GADD45B: variants seen among roughly 807,000 people sequenced by gnomAD.
GADD45B encodes the protein growth arrest and DNA damage-inducible protein GADD45 beta.
A neutral mutation model predicts 15.2 loss-of-function variants in GADD45B; 8 were observed. That is an observed-to-expected ratio of 0.53 (90% confidence interval 0.31 to 0.95). The LOEUF (loss-of-function observed/expected upper bound fraction) is 0.95, where lower values mean the gene tolerates loss of function less well. Among genes scored for constraint, GADD45B ranks in the 40% least tolerant of loss-of-function variants. The pLI, the probability that GADD45B is intolerant of heterozygous loss-of-function variation, is 0.05. For synonymous variants in GADD45B, 100 were observed against 89.8 expected (o/e 1.11, Z -0.64); for missense variants, 162 against 216.6 (o/e 0.75, Z 1.58).
chr19:2,476,136 A>T lies in GADD45B; in HGVS notation c.-223A>T. On this transcript the variant is annotated 5_prime_UTR_variant, in exon 1 of 4. Transcript: ENST00000215631. ...CGGAGGCTCCCAGCTCAGATCGCCGAAGCGTCGGACTACCGTTGGTTTCCG... is the reference window on the plus strand; with the variant it reads ...CGGAGGCTCCCAGCTCAGATCGCCGTAGCGTCGGACTACCGTTGGTTTCCG... 1.7e-6 allele frequency: 1 copy of T among 600,104 alleles called. No homozygotes were observed. The highest frequency in any genetic ancestry group is 3.0e-6 in the Non-Finnish European group (1 of 336,178). The allele number at this position is 600,104 out of a possible 1,614,324, so 37.2% of individuals were successfully genotyped here.
At position 2,476,607 on chromosome 19, in the gene GADD45B, C is replaced by A; in HGVS notation, c.123C>A (p.Tyr41Ter). 1 of 1,582,496 alleles carries A rather than the reference C, an allele frequency of 6.3e-7. No individual in the cohort carries two copies. The highest frequency in any genetic ancestry group is 1.8e-5 in the Admixed American group (1 of 56,612). The part of the protein sequence containing the change: ...QRQDRLTVGV[Y>*]ESAKLMNVDP... ...AGGATCGCCTCACAGTGGGGGTGTA[C>A]GAGTCGGCCAAGTTGATGAATGTGT... Residue 41 changes from tyrosine (Y) to a stop codon, truncating the protein, a stop_gained, in exon 2 of 4, where the codon TAC (tyrosine) becomes TAA (stop). Coordinates refer to ENST00000215631, the MANE Select transcript of GADD45B (RefSeq NM_015675.4). LOFTEE classifies it high-confidence loss of function.
Position 2,477,378 on chromosome 19 carries a change from C to T in GADD45B, c.370-110C>T, listed in dbSNP as rs766728077. The stretch of plus-strand genomic sequence containing the variant: ...ACGTTTGGCATGTCCCGTGGGCAGC[C>T]GGGCTGGGGCCTCCTCACCCAGGAA... On this transcript the variant is annotated intron_variant, in intron 3 of 3. Transcript: ENST00000215631. This position sits in a 1 kb window ranked among gnomAD's most constrained non-coding sequence, Gnocchi z 4.2. The T allele has an allele frequency of 2.0e-6, 2 of 1,003,532 alleles. No homozygotes were observed. The highest frequency in any genetic ancestry group is 3.0e-6 in the Non-Finnish European group (2 of 676,826). 62.2% of individuals were successfully genotyped at this position (1,003,532 alleles called of 1,614,324 possible).
In GADD45B at chr19:2,477,341, C is replaced by G; in HGVS notation, c.369+90C>G. The G allele has an allele frequency of 9.5e-7, 1 of 1,054,510 alleles. No homozygotes were observed. Among genetic ancestry groups the G allele is most frequent in the East Asian group, 2.6e-5 (1 of 38,610 alleles). 65.3% of individuals were successfully genotyped at this position (1,054,510 alleles called of 1,614,324 possible). Reference sequence around the variant, plus strand: ...TCGGGCTGACTGGTCCTGCACAGCTCAGCGCTCAGCCACGTTTGGCATGTC... The same window carrying G: ...TCGGGCTGACTGGTCCTGCACAGCTGAGCGCTCAGCCACGTTTGGCATGTC... On this transcript the variant is annotated intron_variant, in intron 3 of 3. Transcript: ENST00000215631. This position sits in a 1 kb window ranked among gnomAD's most constrained non-coding sequence, Gnocchi z 4.2.
rs752712882 is a variant in GADD45B at position 2,476,329 on chromosome 19, G to T, written c.-30G>T. 22 of 1,612,218 alleles carry T rather than the reference G, an allele frequency of 1.4e-5. No individual in the cohort carries two copies. The East Asian group carries it at 4.2e-4, about 31-fold the overall frequency. On this transcript the variant is annotated 5_prime_UTR_variant, in exon 1 of 4. Transcript: ENST00000215631. ...ATTTCTCCCTGGGGACTGCCGTGGA[G>T]CCGCATCCACTGTGGATTATAATTG...
At position 2,477,670 on chromosome 19, in the gene GADD45B, C is replaced by T. The variant is rs1972338279; in HGVS notation, c.*69C>T. On this transcript the variant is annotated 3_prime_UTR_variant, in exon 4 of 4. Transcript: ENST00000215631. This position sits in a 1 kb window ranked among gnomAD's most constrained non-coding sequence, Gnocchi z 4.2. Reference sequence around the variant, plus strand: ...AAAAAATACAATAAATATTTGAACCCCCTCCCCCCCAGCACAACCCCCCCA... The same window carrying T: ...AAAAAATACAATAAATATTTGAACCTCCTCCCCCCCAGCACAACCCCCCCA... 2 of 781,748 alleles carry T rather than the reference C, an allele frequency of 2.6e-6. No homozygotes were observed. Among genetic ancestry groups the T allele is most frequent in the Admixed American group, 2.1e-5 (1 of 46,808 alleles). The allele number at this position is 781,748 out of a possible 1,614,324, so 48.4% of individuals were successfully genotyped here.
chr19:2,476,859 T>G (rs1020846303), intron 2 of GADD45B, 170 bp from the exon 3 acceptor site: 1 of 616,118 alleles, frequency 1.6e-6, no homozygotes, highest in African/African-American at 1.9e-5. Context: ...CCCCATACTT[T>G]GAACCGTGTG....
At position 2,476,356 on chromosome 19, in the gene GADD45B, A is replaced by G. The variant is rs1482879239; in HGVS notation, c.-3A>G. 1.9e-6 allele frequency: 3 copies of G among 1,613,888 alleles called. No individual in the cohort carries two copies. Among genetic ancestry groups the G allele is most frequent in the Admixed American group, 1.7e-5 (1 of 60,024 alleles). On this transcript the variant is annotated 5_prime_UTR_variant, in exon 1 of 4. Coordinates refer to ENST00000215631, the MANE Select transcript of GADD45B (RefSeq NM_015675.4). ...CGCATCCACTGTGGATTATAATTGC[A>G]ACATGACGCTGGAAGAGCTCGTGGC... is the stretch of plus-strand genomic sequence containing the variant.
intron 2 of GADD45B, 75 bp downstream of exon 2, chr19:2,476,705 G>A (rs1972320510): frequency 1.0e-5 from 9 of 887,572 alleles, no homozygotes; most frequent in Non-Finnish European, 1.4e-5. Context: ...CTTTCCGCAC[G>A]CTTGTCTTGC....
At chr19:2,476,741 C>T in intron 2 of GADD45B, 111 bp downstream of exon 2, 2 of 688,008 alleles carry the variant, frequency 2.9e-6, no homozygotes, top group South Asian at 3.8e-5. Flanking sequence ...CCCCAAGTGC[C>T]CCCCGCTGTG....
chr19:2,476,150 C>T lies in GADD45B; in HGVS notation c.-209C>T, dbSNP rs536955297. The T allele has an allele frequency of 1.6e-4, 97 of 610,166 alleles. 2 individuals are homozygous for T. The highest frequency in any genetic ancestry group is 1.4e-3 in the South Asian group (74 of 51,840). The allele number at this position is 610,166 out of a possible 1,614,324, so 37.8% of individuals were successfully genotyped here. On this transcript the variant is annotated 5_prime_UTR_variant, in exon 1 of 4. Transcript: ENST00000215631. Reference sequence around the variant, plus strand: ...TCAGATCGCCGAAGCGTCGGACTACCGTTGGTTTCCGCAACTTCCTGGATT... The same window carrying T: ...TCAGATCGCCGAAGCGTCGGACTACTGTTGGTTTCCGCAACTTCCTGGATT...
In GADD45B at chr19:2,477,368, C is replaced by T; in HGVS notation, c.369+117C>T. 3 of 1,005,432 alleles carry T rather than the reference C, an allele frequency of 3.0e-6. No homozygotes were observed. The highest frequency in any genetic ancestry group is 3.0e-5 in the South Asian group (2 of 66,036). 62.3% of individuals were successfully genotyped at this position (1,005,432 alleles called of 1,614,324 possible). On this transcript the variant is annotated intron_variant, in intron 3 of 3. Transcript: ENST00000215631. This position sits in a 1 kb window ranked among gnomAD's most constrained non-coding sequence, Gnocchi z 4.2. Reference sequence around the variant, plus strand: ...GCGCTCAGCCACGTTTGGCATGTCCCGTGGGCAGCCGGGCTGGGGCCTCCT... The same window carrying T: ...GCGCTCAGCCACGTTTGGCATGTCCTGTGGGCAGCCGGGCTGGGGCCTCCT...
rs1401932850 is a variant in GADD45B, at chr19:2,477,437, G to A, written c.370-51G>A. On this transcript the variant is annotated intron_variant, in intron 3 of 3. Transcript: ENST00000215631. This position sits in a 1 kb window ranked among gnomAD's most constrained non-coding sequence, Gnocchi z 4.2. The stretch of plus-strand genomic sequence containing the variant: ...GAGCCTGACTGTTTTCCCCACACAG[G>A]GGCCCCGGGAGAGGGAGGCTCCACT... The A allele has an allele frequency of 7.6e-7, 1 of 1,324,074 alleles. No homozygotes were observed. Among genetic ancestry groups the A allele is most frequent in the East Asian group, 2.4e-5 (1 of 42,518 alleles). 82.0% of individuals were successfully genotyped at this position (1,324,074 alleles called of 1,614,324 possible). A position where few individuals can be genotyped will look rare whatever the true frequency, so the allele number is the denominator to read the frequency against.
rs778268064 is a variant in GADD45B, at chr19:2,476,641, C to T, written c.146+11C>T. 11 of 1,498,452 alleles carry T rather than the reference C, an allele frequency of 7.3e-6. No individual in the cohort carries two copies. Among genetic ancestry groups the T allele is most frequent in the Non-Finnish European group, 9.1e-6 (10 of 1,101,520 alleles). The allele number at this position is 1,498,452 out of a possible 1,614,324, so 92.8% of individuals were successfully genotyped here. On this transcript the variant is annotated intron_variant, in intron 2 of 3. Transcript: ENST00000215631. ...CAAGTTGATGAATGTGTGAGTCAGA[C>T]CCCCTTCCCGGGCTGGGCGCGGGTG...
rs1304611307 is a variant in GADD45B at position 2,476,280 on chromosome 19, G to A, written c.-79G>A. 1 of 1,382,094 alleles carries A rather than the reference G, an allele frequency of 7.2e-7. No individual in the cohort carries two copies. The highest frequency in any genetic ancestry group is 1.0e-6 in the Non-Finnish European group (1 of 969,744). The allele number at this position is 1,382,094 out of a possible 1,614,324, so 85.6% of individuals were successfully genotyped here. ...CGCTCTAGCTCTGTGGGAAGGTTTT[G>A]GGCTCTCTGGCTCGGATTTTGCAAT... On this transcript the variant is annotated 5_prime_UTR_variant, in exon 1 of 4. Coordinates refer to ENST00000215631, the MANE Select transcript of GADD45B (RefSeq NM_015675.4).
intron 1 of GADD45B, 60 bp from the exon 2 acceptor site, chr19:2,476,469 G>A (rs1972315067): frequency 6.2e-7 from 1 of 1,602,232 alleles, no homozygotes; most frequent in Non-Finnish European, 8.5e-7. Context: ...GGGCCGGGCC[G>A]GGAGCGGAAC....
chr19:2,477,263 C>G lies in GADD45B; in HGVS notation c.369+12C>G, dbSNP rs1568217514. On this transcript the variant is annotated intron_variant, in intron 3 of 3. Transcript: ENST00000215631. This position sits in a 1 kb window ranked among gnomAD's most constrained non-coding sequence, Gnocchi z 4.2. ...GTCTCCTGGTCACGGTGAGTCGGGC[C>G]TCTGCCCTGCCCCGCCACGCCCGGG... 12 of 1,504,254 alleles carry G rather than the reference C, an allele frequency of 8.0e-6. No homozygotes were observed. The highest frequency in any genetic ancestry group is 1.2e-5 in the South Asian group (1 of 80,652). 93.2% of individuals were successfully genotyped at this position (1,504,254 alleles called of 1,614,324 possible). A position where few individuals can be genotyped will look rare whatever the true frequency, so the allele number is the denominator to read the frequency against.
At chr19:2,476,728 C>T in intron 2 of GADD45B, 98 bp downstream of exon 2, 1 of 752,226 alleles carries the variant, frequency 1.3e-6, no homozygotes, top group African/African-American at 1.8e-5. Flanking sequence ...GGAGCTGGGA[C>T]TTCCCCAAGT....
rs369765979 is a variant in GADD45B, at chr19:2,477,143, C to T, written c.261C>T (p.Ile87=). 2 of 1,613,788 alleles carry T rather than the reference C, an allele frequency of 1.2e-6. No homozygotes were observed. The highest frequency in any genetic ancestry group is 1.3e-5 in the African/African-American group (1 of 75,040). The change falls in exon 3 of 4, where the codon ATC becomes ATT. Residue 87 remains isoleucine (I), a synonymous_variant. Transcript: ENST00000215631. This position sits in a 1 kb window ranked among gnomAD's most constrained non-coding sequence, Gnocchi z 4.2. ...AGTCCTTCTGCTGTGACAACGACAT[C>T]AACATCGTGCGGGTGTCGGGCATGC... ...LIQSFCCDND[I]NIVRVSGMQR... is the part of the protein sequence containing the mutation.
Position 2,476,537 on chromosome 19 carries a change from C to G in GADD45B, c.53C>G (p.Thr18Arg), listed in dbSNP as rs1412147949. 1.2e-6 allele frequency: 2 copies of G among 1,605,672 alleles called. No homozygotes were observed. The highest frequency in any genetic ancestry group is 1.1e-5 in the South Asian group (1 of 90,340). Residue 18 changes from threonine (T) to arginine (R), a missense_variant, in exon 2 of 4, where the codon ACG becomes AGG. Transcript: ENST00000215631. ...CTCTTTCCTGGTCTCAGGATGCAGA[C>G]GGTGACCGCCGCGGTGGAGGAGCTT... ...ACDNAAQKMQ[T>R]VTAAVEELLV...
Sources: allele counts gnomAD v4.1 joint callset, GRCh38; gene constraint gnomAD v4.1.1; non-coding constraint Gnocchi (gnomAD v3.1); transcripts MANE v1.5; gene names NCBI Gene and HGNC (gene_info 2026-07-23, HGNC 2026-07-21).